The following SLC22A23 variants were observed in gnomAD, a reference collection of about 807,000 sequenced individuals.
The protein encoded by SLC22A23 is solute carrier family 22 member 23.
In SLC22A23, 26 loss-of-function variants were observed where a neutral mutation model predicts 61.0. That is an observed-to-expected ratio of 0.43 (90% CI 0.31 to 0.59). The LOEUF is 0.59. Ranked by LOEUF, SLC22A23 falls within the 20% of genes least tolerant of loss-of-function variation. The pLI, the probability that SLC22A23 is intolerant of heterozygous loss-of-function variation, is 0.11. For missense variants in SLC22A23, 796 were observed against 934.7 expected (o/e 0.85, Z 1.94); for synonymous variants, 430 against 413.9 (o/e 1.04, Z -0.47).
intron 1 of SLC22A23, among the ~76,000 whole-genome samples, chr6:3,449,934 A>C (rs573032714): frequency 1.3e-5 from 2 of 152,402 alleles, no homozygotes; most frequent in African/African-American, 4.8e-5. Flanking sequence ...ATGGCAGTCC[A>C]GTCTGACAAT....
At chr6:3,343,318 CAGGG>C (rs1180065283) in intron 3 of SLC22A23, among the ~76,000 whole-genome samples, 8 of 152,196 alleles carry the variant, frequency 5.3e-5, no homozygotes, top group Admixed American at 2.0e-4. Flanking sequence ...TCCCATTTAA[CAGGG>C]AGGCCCCAAG....
rs1001955828 is a variant in SLC22A23, at chr6:3,368,654, A to G, written c.913+41534T>C. 3.9e-5 allele frequency among the ~76,000 whole-genome samples: 6 copies of G among 152,328 alleles called. No homozygotes were observed. In the South Asian group the frequency reaches 1.2e-3, roughly 32 times the overall value. On this transcript the variant is annotated intron_variant, in intron 3 of 9. Coordinates refer to ENST00000406686, the MANE Select transcript of SLC22A23 (RefSeq NM_015482.2). ...CAGGGAAATTAAAACAAATCCTCCA[A>G]TGCAATAAGTTATGCACACACACAC...
At chr6:3,296,217 T>C (rs753462394) in intron 5 of SLC22A23, among the ~76,000 whole-genome samples, 1 of 152,222 alleles carries the variant, frequency 6.6e-6, no homozygotes, top group Non-Finnish European at 1.5e-5. Context: ...CGAGCAAGCA[T>C]GGCCCCGCTG....
intron 3 of SLC22A23, among the ~76,000 whole-genome samples, chr6:3,364,550 G>T (rs1765681620): frequency 6.6e-6 from 1 of 152,204 alleles, no homozygotes; most frequent in South Asian, 2.1e-4. Context: ...ATGTGATGAG[G>T]TCACACAGGA....
chr6:3,298,330 G>T, intron 4 of SLC22A23, 112 bp from the exon 5 acceptor site: 1 of 1,268,186 alleles, frequency 7.9e-7, no homozygotes, highest in Non-Finnish European at 1.1e-6. Flanking sequence ...TCAGTCTCCA[G>T]ACACGCATCA....
chr6:3,448,515 C>T (rs1015552553), intron 1 of SLC22A23, among the ~76,000 whole-genome samples: 3 of 151,668 alleles, frequency 2.0e-5, no homozygotes, highest in African/African-American at 7.3e-5. Flanking sequence ...TTTTTTGAGA[C>T]GGAGCCTGGC....
At chr6:3,447,117 G>A (rs1771933742) in intron 1 of SLC22A23, among the ~76,000 whole-genome samples, 3 of 152,132 alleles carry the variant, frequency 2.0e-5, no homozygotes. Flanking sequence ...TCTAAAATTA[G>A]AGGAAAAGTT....
intron 5 of SLC22A23, among the ~76,000 whole-genome samples, chr6:3,296,614 C>A (rs1463965894): frequency 6.6e-6 from 1 of 152,142 alleles, no homozygotes; most frequent in Non-Finnish European, 1.5e-5. Flanking sequence ...AAAAAGGGAC[C>A]ACAGATGCAC....
At chr6:3,424,628 A>G (rs1770361849) in intron 1 of SLC22A23, among the ~76,000 whole-genome samples, 1 of 152,198 alleles carries the variant, frequency 6.6e-6, no homozygotes, top group South Asian at 2.1e-4. Context: ...CTTACAATAT[A>G]TCATAATTGC....
At chr6:3,320,706 A>G (rs1255785292) in intron 4 of SLC22A23, among the ~76,000 whole-genome samples, 3 of 152,174 alleles carry the variant, frequency 2.0e-5, no homozygotes, top group African/African-American at 7.2e-5. Context: ...TTTAAAGCCA[A>G]TAATTCTAGT....
intron 4 of SLC22A23, among the ~76,000 whole-genome samples, chr6:3,314,237 G>C (rs1434398900): frequency 6.6e-6 from 1 of 152,240 alleles, no homozygotes; most frequent in Non-Finnish European, 1.5e-5. Context: ...CAGAAGTGTA[G>C]CTCTGCCAAG....
chr6:3,354,197 A>C (rs896363501), intron 3 of SLC22A23, among the ~76,000 whole-genome samples: 1 of 152,240 alleles, frequency 6.6e-6, no homozygotes, highest in Non-Finnish European at 1.5e-5. Context: ...TCACACAAAC[A>C]CATAGCATGG....
rs568697046 is a variant in SLC22A23, at chr6:3,453,338, A to G, written c.654+2568T>C. 1.1e-4 allele frequency among the ~76,000 whole-genome samples: 16 copies of G among 152,352 alleles called. No individual in the cohort carries two copies. In the South Asian group the frequency reaches 3.3e-3, roughly 32 times the overall value. ...ACCAAAGTGTGCCTTCCTGCAAGGA[A>G]AAGCAACTACGGGATGGACTAGCTG... On this transcript the variant is annotated intron_variant, in intron 1 of 9. Coordinates refer to ENST00000406686, the MANE Select transcript of SLC22A23 (RefSeq NM_015482.2).
chr6:3,435,504 C>A (rs1771149531), intron 1 of SLC22A23, among the ~76,000 whole-genome samples: 1 of 152,182 alleles, frequency 6.6e-6, no homozygotes, highest in South Asian at 2.1e-4. Flanking sequence ...AGCCTTCTGT[C>A]ACCACCTGGA....
rs1561888493 is a variant in SLC22A23 at position 3,310,429 on chromosome 6, C to CGAGCACCCTGTCTGTCTCCCACTT, written c.1083-12212_1083-12211insAAGTGGGAGACAGACAGGGTGCTC. On this transcript the variant is annotated intron_variant, in intron 4 of 9. Coordinates refer to ENST00000406686, the MANE Select transcript of SLC22A23 (RefSeq NM_015482.2). Reference sequence around the variant, plus strand: ...CCACTCAAGCACCCTGTCTCCCACTCGAGCACCCTGTCTCCCAGGGAGCAC... The same window carrying CGAGCACCCTGTCTGTCTCCCACTT: ...CCACTCAAGCACCCTGTCTCCCACTCGAGCACCCTGTCTGTCTCCCACTTGAGCACCCTGTCTCCCAGGGAGCAC... 1.3e-3 allele frequency among the ~76,000 whole-genome samples: 188 copies of CGAGCACCCTGTCTGTCTCCCACTT among 140,910 alleles called. 4 individuals carry two copies. The highest frequency in any genetic ancestry group is 5.0e-3 in the African/African-American group (178 of 35,810). The allele number at this position is 140,910 out of a possible 152,430, so 92.4% of individuals were successfully genotyped here. A position where few individuals can be genotyped will look rare whatever the true frequency, so the allele number is the denominator to read the frequency against.
At chr6:3,429,064 T>C (rs34541033) in intron 1 of SLC22A23, among the ~76,000 whole-genome samples, 45,942 of 152,072 alleles carry the variant, frequency 0.3, 8,124 homozygotes, top group East Asian at 0.48. Flanking sequence ...GATGTTGCCA[T>C]GTATATTTTG....
chr6:3,389,268 C>CAAAAAAAAAA (rs61020784), intron 3 of SLC22A23, among the ~76,000 whole-genome samples: 1 of 32,594 alleles, frequency 3.1e-5, no homozygotes, highest in African/African-American at 1.6e-4. Flanking sequence ...AACTCTGTCT[C>CAAAAAAAAAA]AAAAAAAAAA....
intron 1 of SLC22A23, among the ~76,000 whole-genome samples, chr6:3,446,365 C>T (rs1303339904): frequency 1.3e-5 from 2 of 152,208 alleles, no homozygotes; most frequent in Non-Finnish European, 2.9e-5. Context: ...TCATATTAAA[C>T]ATGGCCACGC....
rs1761239912 is a variant in SLC22A23, at chr6:3,297,746, C to T, written c.1210+345G>A. On this transcript the variant is annotated intron_variant, in intron 5 of 9. Coordinates refer to ENST00000406686, the MANE Select transcript of SLC22A23 (RefSeq NM_015482.2). This position sits in a 1 kb window ranked among gnomAD's most constrained non-coding sequence, Gnocchi z 4.3. ...CTGAGGTCACAGGGGCCATCTACAC[C>T]CTGAGCCAGCGCTCTGGCAGTGTTT... 6.6e-6 allele frequency among the ~76,000 whole-genome samples: 1 copy of T among 152,190 alleles called. No individual in the cohort carries two copies. The highest frequency in any genetic ancestry group is 2.4e-5 in the African/African-American group (1 of 41,454).
Sources: gnomAD v4.1 joint callset for allele counts (sites outside exome capture counted in the v4.1 genomes callset) on GRCh38, gnomAD v4.1.1 for gene constraint, Gnocchi (gnomAD v3.1) non-coding constraint, MANE v1.5 for transcripts, NCBI Gene and HGNC (gene_info 2026-07-23, HGNC 2026-07-21) for gene names.